EIF4G3: variants seen among roughly 807,000 people sequenced by gnomAD.
EIF4G3 encodes eIF-4-gamma 3.
A neutral mutation model predicts 186.4 loss-of-function variants in EIF4G3; 34 were observed. The observed-to-expected ratio is 0.18, with a 90% CI of 0.14 to 0.24. The LOEUF (loss-of-function observed/expected upper bound fraction) is 0.24, where lower values mean the gene tolerates loss of function less well. EIF4G3 is among the 10% of genes least tolerant of loss of function. The probability of loss-of-function intolerance (pLI) is 1.00; values close to 1 mark genes in which losing one functional copy is unlikely to be tolerated. For missense variants in EIF4G3, 1,536 were observed against 1,948.5 expected, an observed-to-expected ratio of 0.79 and a Z score of 3.99; for synonymous variants, 673 against 679.5, an observed-to-expected ratio of 0.99 and a Z score of 0.15.
At chr1:21,158,735 A>G (rs898125762) in intron 2 of EIF4G3, among the ~76,000 whole-genome samples, 1 of 137,754 alleles carries the variant, frequency 7.3e-6, no homozygotes, top group Non-Finnish European at 1.7e-5. Flanking sequence ...GTACATACAT[A>G]TACATACACA....
intron 36 of EIF4G3, among the ~76,000 whole-genome samples, chr1:20,807,753 C>CTTTTTT: frequency 1.7e-5 from 1 of 60,434 alleles, no homozygotes; most frequent in African/African-American, 5.8e-5. Flanking sequence ...AACTTTTTTT[C>CTTTTTT]TGTTTTTTTT....
intron 2 of EIF4G3, among the ~76,000 whole-genome samples, chr1:21,108,359 A>G (rs570996654): frequency 1.3e-5 from 2 of 152,184 alleles, no homozygotes; most frequent in Non-Finnish European, 2.9e-5. Context: ...TTTATATGTA[A>G]TATATATAAA....
chr1:21,110,513 T>C (rs1364816505), intron 2 of EIF4G3, among the ~76,000 whole-genome samples: 2 of 152,150 alleles, frequency 1.3e-5, no homozygotes, highest in East Asian at 3.9e-4. Flanking sequence ...CAGCCTGATC[T>C]TGAACTCCTG....
chr1:20,918,455 G>A (rs1558233624), intron 14 of EIF4G3, among the ~76,000 whole-genome samples: 1 of 151,620 alleles, frequency 6.6e-6, no homozygotes, highest in Admixed American at 6.6e-5. Flanking sequence ...CAATCCTTCC[G>A]TCATAGCCTC....
At chr1:20,996,383 A>G (rs908489561) in intron 7 of EIF4G3, among the ~76,000 whole-genome samples, 1 of 152,196 alleles carries the variant, frequency 6.6e-6, no homozygotes, top group Non-Finnish European at 1.5e-5. Context: ...ATTAAAAAAA[A>G]TACCCTGAGG....
intron 3 of EIF4G3, among the ~76,000 whole-genome samples, chr1:21,080,474 G>A (rs889939321): frequency 7.0e-6 from 1 of 142,474 alleles, no homozygotes; most frequent in Non-Finnish European, 1.5e-5. Context: ...TATTTATTAA[G>A]AAGTAATTTA....
intron 27 of EIF4G3, 39 bp downstream of exon 27, chr1:20,853,521 G>T (rs773475517): frequency 1.5e-6 from 2 of 1,379,034 alleles, no homozygotes; most frequent in Non-Finnish European, 2.1e-6. Flanking sequence ...ACTGGCAAGC[G>T]GGCCAGCCTT....
intron 29 of EIF4G3, among the ~76,000 whole-genome samples, chr1:20,843,520 AAAAT>A (rs965310379): frequency 2.6e-5 from 4 of 152,172 alleles, no homozygotes; most frequent in African/African-American, 4.8e-5. Flanking sequence ...CTGTCTCCAA[AAAAT>A]AAATAAATAA....
intron 25 of EIF4G3, among the ~76,000 whole-genome samples, 177 bp from the exon 26 acceptor site, chr1:20,855,248 G>C (rs1422524286): frequency 6.6e-6 from 1 of 152,054 alleles, no homozygotes; most frequent in Non-Finnish European, 1.5e-5. Context: ...GATCCATGTG[G>C]CCCCTGAAGC....
chr1:20,872,269 C>T (rs2079423084), intron 20 of EIF4G3, among the ~76,000 whole-genome samples: 4 of 147,176 alleles, frequency 2.7e-5, no homozygotes, highest in African/African-American at 1.0e-4. Flanking sequence ...AGTACAGGTG[C>T]ATGCCACCAC....
At chr1:20,824,831 C>T (rs569888876) in intron 33 of EIF4G3, among the ~76,000 whole-genome samples, 10 of 152,170 alleles carry the variant, frequency 6.6e-5, no homozygotes, top group Non-Finnish European at 1.3e-4. Flanking sequence ...CCCTGTCACC[C>T]TGCTTTATTT....
chr1:20,902,617 T>G (rs551568456), intron 15 of EIF4G3, among the ~76,000 whole-genome samples: 1 of 152,296 alleles, frequency 6.6e-6, no homozygotes, highest in East Asian at 1.9e-4. Context: ...TTTTTTGTCT[T>G]GCTTTAGTTT....
chr1:21,075,757 G>A (rs934497971), intron 3 of EIF4G3, among the ~76,000 whole-genome samples: 5 of 151,616 alleles, frequency 3.3e-5, no homozygotes, highest in Non-Finnish European at 5.9e-5. Context: ...GATGATAAAC[G>A]GATCAATTCA....
rs757563758 is a variant in EIF4G3 at position 20,949,966 on chromosome 1, C to T, written c.823+37G>A. 3 of 1,535,238 alleles carry T rather than the reference C, an allele frequency of 2.0e-6. No individual in the cohort carries two copies. The Admixed American group carries it at 5.1e-5, about 26-fold the overall frequency. On this transcript the variant is annotated intron_variant, in intron 13 of 36. Coordinates refer to ENST00000602326, the MANE Select transcript of EIF4G3 (RefSeq NM_001391906.1). ...GGCAATGTAATTAATAAAAAAGAGA[C>T]TAAAGATAAGAGGGAGGAAAACAGT... is the stretch of plus-strand genomic sequence containing the variant.
chr1:21,111,528 C>T, intron 2 of EIF4G3: 1 of 328,724 alleles, frequency 3.0e-6, no homozygotes, highest in Non-Finnish European at 6.2e-6. Flanking sequence ...AGACATCTCT[C>T]CCAGATTCCT....
At position 21,096,812 on chromosome 1, in the gene EIF4G3, T is replaced by TA. The variant is rs2096384857; in HGVS notation, c.-271-7600dup. On this transcript the variant is annotated intron_variant, in intron 2 of 36. Coordinates refer to ENST00000602326, the MANE Select transcript of EIF4G3 (RefSeq NM_001391906.1). The stretch of plus-strand genomic sequence containing the variant: ...CTGAAAGTTTTTATGGGTATAACTA[T>TA]AAGATTTACAAAAATGTTAAGGCCT... Among the ~76,000 whole-genome samples, 3 of 152,330 alleles carry TA rather than the reference T, an allele frequency of 2.0e-5. No individual in the cohort carries two copies. In the South Asian group the frequency reaches 6.2e-4, roughly 32 times the overall value.
intron 7 of EIF4G3, among the ~76,000 whole-genome samples, chr1:20,984,091 T>G (rs1306454884): frequency 6.6e-6 from 1 of 152,194 alleles, no homozygotes; most frequent in South Asian, 2.1e-4. Context: ...GTGTTTCTAA[T>G]GATATTCCTA....
At chr1:20,885,850 T>C (rs1402599686) in intron 19 of EIF4G3, among the ~76,000 whole-genome samples, 1 of 152,148 alleles carries the variant, frequency 6.6e-6, no homozygotes, top group Non-Finnish European at 1.5e-5. Flanking sequence ...ACAAGGAACA[T>C]AAAGCAATGT....
chr1:20,846,151 T>C (rs2070930698), intron 29 of EIF4G3, among the ~76,000 whole-genome samples: 1 of 152,222 alleles, frequency 6.6e-6, no homozygotes, highest in African/African-American at 2.4e-5. Context: ...TCCTGAGTCT[T>C]TGCTGAAGTT....
Sources: allele counts gnomAD v4.1 joint callset (sites outside exome capture counted in the v4.1 genomes callset), GRCh38; gene constraint gnomAD v4.1.1; transcripts MANE v1.5; gene names NCBI Gene and HGNC (gene_info 2026-07-23, HGNC 2026-07-21).